The following GALNTL6 variants were observed in gnomAD, a reference collection of about 807,000 sequenced individuals.
The protein encoded by GALNTL6 is polypeptide N-acetylgalactosaminyltransferase-like 6.
In GALNTL6, 46 loss-of-function variants were observed where a neutral mutation model predicts 73.7. That is an observed-to-expected ratio of 0.62 (90% CI 0.49 to 0.80). The LOEUF (loss-of-function observed/expected upper bound fraction) is 0.80, where lower values mean the gene tolerates loss of function less well. Among genes scored for constraint, GALNTL6 ranks in the 30% least tolerant of loss-of-function variants. The pLI is 0.00. For synonymous variants in GALNTL6, 259 were observed against 263.7 expected, an observed-to-expected ratio of 0.98 and a Z score of 0.17; for missense variants, 604 against 755.0, an observed-to-expected ratio of 0.80 and a Z score of 2.34.
At chr4:172,831,211 G>A (rs1397344291) in intron 7 of GALNTL6, among the ~76,000 whole-genome samples, 2 of 138,882 alleles carry the variant, frequency 1.4e-5, no homozygotes, top group South Asian at 2.4e-4. Context: ...CAAAAGACAC[G>A]GGCTTATTTA....
intron 2 of GALNTL6, among the ~76,000 whole-genome samples, chr4:171,962,503 A>T (rs1010056695): frequency 2.0e-5 from 3 of 151,912 alleles, no homozygotes; most frequent in Admixed American, 6.6e-5. Context: ...GCTAAAAGAC[A>T]CTCCTACCAG....
intron 7 of GALNTL6, among the ~76,000 whole-genome samples, chr4:172,849,789 T>C (rs6823952): frequency 0.078 from 11,855 of 152,244 alleles, 683 homozygotes; most frequent in African/African-American, 0.15. Context: ...TCAAACTGTT[T>C]GATTTGTCGT....
At chr4:172,112,119 G>GT (rs1277898297) in intron 2 of GALNTL6, among the ~76,000 whole-genome samples, 1 of 151,968 alleles carries the variant, frequency 6.6e-6, no homozygotes, top group Admixed American at 6.6e-5. Flanking sequence ...CCTGAGTTAT[G>GT]TTTTTTCCAA....
At chr4:172,467,160 AAAGAG>A (rs1241833247) in intron 5 of GALNTL6, among the ~76,000 whole-genome samples, 2 of 152,190 alleles carry the variant, frequency 1.3e-5, no homozygotes, top group African/African-American at 4.8e-5. Context: ...TAGCAATATA[AAAGAG>A]AAAAGGCCGT....
chr4:172,264,555 A>AAT (rs201920170), intron 3 of GALNTL6, among the ~76,000 whole-genome samples: 3,257 of 103,312 alleles, frequency 0.032, 92 homozygotes, highest in Middle Eastern at 0.059. Flanking sequence ...ATATATGCCA[A>AAT]ATATATATAT....
At chr4:171,854,842 T>C (rs988554714) in intron 2 of GALNTL6, among the ~76,000 whole-genome samples, 5 of 152,184 alleles carry the variant, frequency 3.3e-5, no homozygotes, top group African/African-American at 1.2e-4. Context: ...CACCTTTAAA[T>C]ACCATCACAT....
intron 5 of GALNTL6, among the ~76,000 whole-genome samples, chr4:172,458,050 C>G (rs1207744742): frequency 3.9e-5 from 6 of 152,016 alleles, no homozygotes; most frequent in African/African-American, 1.4e-4. Flanking sequence ...CAAATTAGAA[C>G]TCAGGATTAA....
chr4:172,431,395 G>A (rs1731444994), intron 5 of GALNTL6, among the ~76,000 whole-genome samples: 1 of 152,048 alleles, frequency 6.6e-6, no homozygotes, highest in Non-Finnish European at 1.5e-5. Flanking sequence ...TTCTGCTTTT[G>A]ATGACATTGT....
rs62326199 is a variant in GALNTL6, at chr4:172,034,602, G to A, written c.139-195054G>A. 1.1e-3 allele frequency among the ~76,000 whole-genome samples: 172 copies of A among 152,160 alleles called. 2 individuals are homozygous for A. The highest frequency in any genetic ancestry group is 2.3e-3 in the Admixed American group (35 of 15,256). On this transcript the variant is annotated intron_variant, in intron 2 of 12. Coordinates refer to ENST00000506823, the MANE Select transcript of GALNTL6 (RefSeq NM_001034845.3). The stretch of plus-strand genomic sequence containing the variant: ...CATCTTACATTTGCCAAAGTAATAT[G>A]AGTACACAAACTCATGAATTTACAA...
chr4:173,004,162 C>G (rs915307015), intron 10 of GALNTL6, among the ~76,000 whole-genome samples: 4 of 151,228 alleles, frequency 2.6e-5, no homozygotes, highest in Admixed American at 2.6e-4. Context: ...CTAGCCTGGG[C>G]AACAGAGCAA....
intron 2 of GALNTL6, among the ~76,000 whole-genome samples, chr4:172,195,849 A>G (rs1462103621): frequency 2.6e-5 from 4 of 152,188 alleles, no homozygotes; most frequent in Non-Finnish European, 5.9e-5. Flanking sequence ...AAGATCTCAA[A>G]TTGATATTGT....
chr4:172,261,539 A>G (rs1738257282), intron 3 of GALNTL6, among the ~76,000 whole-genome samples: 1 of 150,502 alleles, frequency 6.6e-6, no homozygotes, highest in South Asian at 2.1e-4. Context: ...ACTTTTGATT[A>G]TTTTTTCAAA....
At chr4:171,993,780 G>T (rs1178454646) in intron 2 of GALNTL6, among the ~76,000 whole-genome samples, 1 of 151,466 alleles carries the variant, frequency 6.6e-6, no homozygotes, top group African/African-American at 2.4e-5. Flanking sequence ...GGAAAACTTG[G>T]AGAAAGACAT....
intron 7 of GALNTL6, among the ~76,000 whole-genome samples, chr4:172,831,784 G>T (rs1162194499): frequency 6.6e-6 from 1 of 152,180 alleles, no homozygotes; most frequent in Admixed American, 6.5e-5. Context: ...AGCTCTCAGG[G>T]ATAGGATTAG....
At chr4:172,242,277 A>T (rs1737462413) in intron 3 of GALNTL6, among the ~76,000 whole-genome samples, 1 of 152,036 alleles carries the variant, frequency 6.6e-6, no homozygotes, top group Non-Finnish European at 1.5e-5. Flanking sequence ...TATAAGTGGT[A>T]AAAACATACA....
rs77554304 is a variant in GALNTL6 at position 171,835,499 on chromosome 4, C to T, written c.138+20781C>T. Among the ~76,000 whole-genome samples, 379 of 152,010 alleles carry T rather than the reference C, an allele frequency of 2.5e-3. 8 individuals carry two copies. The East Asian group carries it at 0.049, about 20-fold the overall frequency. ...ATAGTTTTATAACCTAAATGTTACT[C>T]AAGCTCTAAAATATATTACTTAGGC... On this transcript the variant is annotated intron_variant, in intron 2 of 12. Coordinates refer to ENST00000506823, the MANE Select transcript of GALNTL6 (RefSeq NM_001034845.3).
chr4:172,127,752 T>A (rs1243072709), intron 2 of GALNTL6, among the ~76,000 whole-genome samples: 3 of 152,160 alleles, frequency 2.0e-5, no homozygotes, highest in Admixed American at 6.5e-5. Context: ...AATCATCCTG[T>A]TTTTAGGCTT....
chr4:172,707,429 A>C (rs868448526), intron 5 of GALNTL6, among the ~76,000 whole-genome samples: 1 of 152,152 alleles, frequency 6.6e-6, no homozygotes, highest in African/African-American at 2.4e-5. Context: ...GCCTCTTTTC[A>C]CTACTTAGAA....
chr4:172,391,875 G>A (rs1743674451), intron 5 of GALNTL6, among the ~76,000 whole-genome samples: 1 of 152,124 alleles, frequency 6.6e-6, no homozygotes, highest in Admixed American at 6.5e-5. Flanking sequence ...AGCCTTAAAG[G>A]AACTAAAATA....
Sources: allele counts gnomAD v4.1 joint callset (sites outside exome capture counted in the v4.1 genomes callset), GRCh38; gene constraint gnomAD v4.1.1; transcripts MANE v1.5; gene names NCBI Gene and HGNC (gene_info 2026-07-23, HGNC 2026-07-21).